Variants in PI16 observed in about 807,000 individuals in gnomAD.
PI16 encodes peptidase inhibitor 16, also known as PSP94-binding protein.
Under a neutral mutation model 38.0 loss-of-function variants are expected in PI16, and 35 were observed. The observed-to-expected ratio is 0.92, with a 90% CI of 0.70 to 1.22. The LOEUF is 1.22. PI16 is among the 50% of genes most tolerant of loss of function. PI16 has a pLI of 0.00. For synonymous variants in PI16, 275 were observed against 252.9 expected (o/e 1.09, Z -0.83); for missense variants, 572 against 593.8 (o/e 0.96, Z 0.38).
At position 36,963,233 on chromosome 6, in the gene PI16, G is replaced by A. The variant is rs532101741; in HGVS notation, c.891G>A (p.Leu297=). The A allele has an allele frequency of 2.5e-6, 4 of 1,614,228 alleles. No homozygotes were observed. Among genetic ancestry groups the A allele is most frequent in the African/African-American group, 2.7e-5 (2 of 75,062 alleles). ...EVPSILAAHS[L]PSLDEEPVTF... is the part of the protein sequence containing the mutation. The stretch of plus-strand genomic sequence containing the variant: ...CTTCCATTTTGGCAGCTCACAGCCT[G>A]CCCTCCTTGGATGAGGAGCCAGTTA... The change falls in exon 5 of 7, where the codon CTG becomes CTA. Residue 297 remains leucine, a synonymous_variant. Transcript: ENST00000373674.
At chr6:36,949,769 G>A (rs1239949217), upstream of PI16, among the ~76,000 whole-genome samples, 1 of 151,942 alleles carries the variant, frequency 6.6e-6, no homozygotes, top group South Asian at 2.1e-4. Context: ...TTTTCAGATT[G>A]TTCTATTATC....
rs113296030 is a variant in PI16, at chr6:36,963,228, A to G, written c.886A>G (p.Ser296Gly). 26 of 1,614,252 alleles carry G rather than the reference A, an allele frequency of 1.6e-5. No individual in the cohort carries two copies. The African/African-American group carries it at 1.7e-4, about 11-fold the overall frequency. ...GGTCCCTTCCATTTTGGCAGCTCAC[A>G]GCCTGCCCTCCTTGGATGAGGAGCC... is the stretch of plus-strand genomic sequence containing the variant. ...TEVPSILAAH[S>G]LPSLDEEPVT... The change falls in exon 5 of 7, where the codon AGC becomes GGC. Residue 296 changes from serine (S) to glycine (G), a missense_variant. By Grantham distance (56) the Ser-to-Gly change is moderately conservative (BLOSUM62 0). Transcript: ENST00000373674.
At chr6:36,952,259 G>C (rs1282291963), upstream of PI16, among the ~76,000 whole-genome samples, 1 of 152,146 alleles carries the variant, frequency 6.6e-6, no homozygotes, top group Non-Finnish European at 1.5e-5. Context: ...CTCTCAAAGT[G>C]CTGGGATTAC....
At position 36,961,957 on chromosome 6, in the gene PI16, G is replaced by A. The variant is rs1380646907; in HGVS notation, c.575G>A (p.Cys192Tyr). ...PCSQCPSGYH[C>Y]KNSLCEPIGS... ...TCCCAATGTCCCTCTGGCTACCACT[G>A]CAAGAACTCCCTCTGTGGTGAGTCC... Residue 192 changes from cysteine to tyrosine, a missense_variant, in exon 4 of 7, where the codon TGC becomes TAC. Coordinates refer to ENST00000373674, the MANE Select transcript of PI16 (RefSeq NM_153370.3). 1 of 1,614,052 alleles carries A rather than the reference G, an allele frequency of 6.2e-7. No homozygotes were observed. Among genetic ancestry groups the A allele is most frequent in the South Asian group, 1.1e-5 (1 of 91,084 alleles).
upstream of PI16, among the ~76,000 whole-genome samples, chr6:36,952,817 T>C (rs576301722): frequency 2.6e-5 from 4 of 152,354 alleles, 1 homozygote; most frequent in South Asian, 8.3e-4. Context: ...GGATGGATTT[T>C]TCTGTTTCTA....
chr6:36,957,493 T>C (rs1414363261), intron 1 of PI16, among the ~76,000 whole-genome samples: 2 of 152,168 alleles, frequency 1.3e-5, no homozygotes, highest in Non-Finnish European at 2.9e-5. Flanking sequence ...CAATGGAAAT[T>C]TGGGCTTCTT....
At position 36,959,286 on chromosome 6, in the gene PI16, G is replaced by A. The variant is rs926104730; in HGVS notation, c.313G>A (p.Glu105Lys). Residue 105 changes from glutamate (E) to lysine (K), a missense_variant, in exon 2 of 7, where the codon GAG (glutamate) becomes AAG (lysine). Glu to Lys is a moderately conservative substitution (Grantham distance 56, BLOSUM62 1). Transcript: ENST00000373674. Reference protein sequence around the residue: ...EGMDVPLAMEEWHHEREHYNL... With the variant: ...EGMDVPLAMEKWHHEREHYNL... ...CATGGACGTGCCGCTGGCCATGGAG[G>A]AGTGGCACCACGAGCGTGAGCACTA... The A allele has an allele frequency of 3.8e-6, 6 of 1,597,374 alleles. No individual in the cohort carries two copies. The highest frequency in any genetic ancestry group is 1.7e-5 in the Admixed American group (1 of 57,664).
In PI16 at chr6:36,963,425, T is replaced by C. The variant is rs1477579571; in HGVS notation, c.1083T>C (p.Ala361=). The part of the protein sequence containing the change: ...PHAQEEAEAE[A]ELPPSSEVLA... ...CCCAGGAGGAGGCTGAGGCTGAGGC[T>C]GAGTTGCCTCCTTCCAGTGAGGTCT... The change falls in exon 5 of 7, where the codon GCT becomes GCC. Residue 361 remains alanine (A), a synonymous_variant. Coordinates refer to ENST00000373674, the MANE Select transcript of PI16 (RefSeq NM_153370.3). 13 of 1,614,192 alleles carry C rather than the reference T, an allele frequency of 8.1e-6. No individual in the cohort carries two copies. Among genetic ancestry groups the C allele is most frequent in the East Asian group, 4.5e-5 (2 of 44,880 alleles).
chr6:36,962,115 G>C lies in PI16; in HGVS notation c.592+141G>C. 1.6e-6 allele frequency: 1 copy of C among 634,776 alleles called. No homozygotes were observed. Among genetic ancestry groups the C allele is most frequent in the Non-Finnish European group, 2.8e-6 (1 of 358,932 alleles). 39.3% of individuals were successfully genotyped at this position (634,776 alleles called of 1,614,324 possible). ...GGGATGCGACCACCGGGGGCCCCTG[G>C]CGGCTCCCTTAGCCCCCCACGCGCA... On this transcript the variant is annotated intron_variant, in intron 4 of 6. Coordinates refer to ENST00000373674, the MANE Select transcript of PI16 (RefSeq NM_153370.3). This position sits in a 1 kb window ranked among gnomAD's most constrained non-coding sequence, Gnocchi z 4.1.
In PI16 at chr6:36,962,877, ATGAGAGATG is replaced by A; in HGVS notation, c.593-55_593-47del. The A allele has an allele frequency of 2.0e-6, 3 of 1,465,532 alleles. No homozygotes were observed. Among genetic ancestry groups the A allele is most frequent in the Non-Finnish European group, 9.3e-7 (1 of 1,077,178 alleles). 90.8% of individuals were successfully genotyped at this position (1,465,532 alleles called of 1,614,324 possible). On this transcript the variant is annotated intron_variant, in intron 4 of 6. Transcript: ENST00000373674. This position sits in a 1 kb window ranked among gnomAD's most constrained non-coding sequence, Gnocchi z 4.1. The stretch of plus-strand genomic sequence containing the variant: ...GTCGCGTCACTTGGTTTGCAGTGCC[ATGAGAGATG>A]TGGGGTCCTGCTTGCAGCACTCATG...
intron 6 of PI16, 39 bp downstream of exon 6, chr6:36,964,001 C>T (rs1307081552): frequency 1.9e-5 from 30 of 1,565,598 alleles, no homozygotes; most frequent in Non-Finnish European, 2.6e-5. Flanking sequence ...TCATACCCAC[C>T]TGGATTGTCT....
chr6:36,952,152 C>T (rs1017282130), upstream of PI16, among the ~76,000 whole-genome samples: 1 of 151,920 alleles, frequency 6.6e-6, no homozygotes, highest in Non-Finnish European at 1.5e-5. Flanking sequence ...TGCCACCACA[C>T]CCAGCTAATT....
At chr6:36,961,370 G>T (rs986879513) in intron 2 of PI16, 81 bp from the exon 3 acceptor site, 101 of 1,247,542 alleles carry the variant, frequency 8.1e-5, no homozygotes, top group Non-Finnish European at 2.7e-5. Flanking sequence ...CTCCACTCCT[G>T]TAAGGCAGGT....
chr6:36,951,878 G>T (rs1763106008), upstream of PI16, among the ~76,000 whole-genome samples: 4 of 151,938 alleles, frequency 2.6e-5, no homozygotes, highest in South Asian at 8.3e-4. Context: ...CAGCCTGGGT[G>T]ACAGAGCGAG....
At chr6:36,955,065 G>A (rs1184953593) in intron 1 of PI16, 134 bp downstream of exon 1, 1 of 1,407,674 alleles carries the variant, frequency 7.1e-7, no homozygotes, top group South Asian at 1.5e-5. Context: ...CAGTGACAGA[G>A]TCCCCGAGTC....
At position 36,962,950 on chromosome 6, in the gene PI16, C is replaced by T. The variant is rs1477218561; in HGVS notation, c.608C>T (p.Pro203Leu). 1.9e-6 allele frequency: 3 copies of T among 1,612,776 alleles called. No homozygotes were observed. Among genetic ancestry groups the T allele is most frequent in the Middle Eastern group, 1.6e-4 (1 of 6,074 alleles). The change falls in exon 5 of 7, where the codon CCG (proline) becomes CTG (leucine). Residue 203 changes from proline to leucine, a missense_variant. Coordinates refer to ENST00000373674, the MANE Select transcript of PI16 (RefSeq NM_153370.3). The surrounding 1 kb of genome is among the most constrained non-coding windows in gnomAD (Gnocchi z 4.1). The stretch of plus-strand genomic sequence containing the variant: ...GTCTTATCAGAACCCATCGGAAGCC[C>T]GGAAGATGCTCAGGATTTGCCTTAC... ...KNSLCEPIGSPEDAQDLPYLV... is the reference protein window; with the variant it reads ...KNSLCEPIGSLEDAQDLPYLV...
intron 1 of PI16, among the ~76,000 whole-genome samples, chr6:36,958,302 C>A (rs978664168): frequency 2.0e-5 from 3 of 152,208 alleles, no homozygotes; most frequent in African/African-American, 7.2e-5. Flanking sequence ...CCTCCTCAAT[C>A]CTTTGGGTCG....
chr6:36,954,330 T>C (rs181214697), upstream of PI16: 93 of 156,234 alleles, frequency 6.0e-4, 1 homozygote, highest in Middle Eastern at 3.1e-3. Flanking sequence ...GGTCTTCCTC[T>C]GTCCTTTCAA....
Position 36,963,055 on chromosome 6 carries a change from CGGG to C in PI16, c.715_717del (p.Gly239del), listed in dbSNP as rs1283805240. ...ATGGGTACTCCTTCTTCCCTAGCAA[CGGG>C]GATTCCGGCTTTCTTGGTAACAGAG... On this transcript the variant is annotated inframe_deletion, in exon 5 of 7. Transcript: ENST00000373674. The C allele has an allele frequency of 5.6e-6, 9 of 1,614,138 alleles. No homozygotes were observed. Among genetic ancestry groups the C allele is most frequent in the Non-Finnish European group, 7.6e-6 (9 of 1,180,064 alleles).
Sources: allele counts gnomAD v4.1 joint callset (sites outside exome capture counted in the v4.1 genomes callset), GRCh38; gene constraint gnomAD v4.1.1; non-coding constraint Gnocchi (gnomAD v3.1); transcripts MANE v1.5; gene names NCBI Gene and HGNC (gene_info 2026-07-23, HGNC 2026-07-21).